Variants in CDYL2 observed in about 807,000 individuals in gnomAD.
The protein encoded by CDYL2 is chromodomain Y like 2, also known as chromodomain Y-like protein 2.
CDYL2 carries 23 observed loss-of-function variants against 49.4 expected under a neutral mutation model. The ratio of observed to expected loss-of-function variants is 0.47; its 90% CI spans 0.34 to 0.66. The LOEUF is 0.66. Ranked by LOEUF, CDYL2 falls within the 30% of genes least tolerant of loss-of-function variation. CDYL2 has a pLI of 0.01. For synonymous variants in CDYL2, 360 were observed against 268.8 expected (o/e 1.34, Z -3.32); for missense variants, 678 against 656.4 (o/e 1.03, Z -0.36).
At chr16:80,717,470 G>A (rs1904849971) in intron 1 of CDYL2, among the ~76,000 whole-genome samples, 1 of 152,232 alleles carries the variant, frequency 6.6e-6, no homozygotes. Context: ...GAAGGTGGAT[G>A]GAGACAGAGG....
chr16:80,610,083 G>A (rs1187142447), intron 5 of CDYL2, among the ~76,000 whole-genome samples: 1 of 152,116 alleles, frequency 6.6e-6, no homozygotes, highest in East Asian at 1.9e-4. Context: ...TGCTATTTTT[G>A]TATGGTTGGT....
chr16:80,724,012 G>A (rs1053668931), intron 1 of CDYL2, among the ~76,000 whole-genome samples: 1 of 149,464 alleles, frequency 6.7e-6, no homozygotes, highest in East Asian at 2.0e-4. Flanking sequence ...GAAGAAGCAA[G>A]AAGAGAAAGA....
intron 1 of CDYL2, among the ~76,000 whole-genome samples, chr16:80,793,949 A>G (rs550279253): frequency 6.6e-6 from 1 of 152,326 alleles, no homozygotes; most frequent in South Asian, 2.1e-4. Context: ...TTGTAAATAA[A>G]AACACAATCT....
intron 1 of CDYL2, among the ~76,000 whole-genome samples, chr16:80,760,613 A>G (rs372778575): frequency 6.6e-6 from 1 of 152,142 alleles, no homozygotes; most frequent in African/African-American, 2.4e-5. Flanking sequence ...ATATGCACCT[A>G]CTATGTCGCC....
intron 1 of CDYL2, among the ~76,000 whole-genome samples, chr16:80,783,790 A>C (rs1907346845): frequency 6.6e-6 from 1 of 152,224 alleles, no homozygotes; most frequent in Non-Finnish European, 1.5e-5. Flanking sequence ...GAGTTTTAAA[A>C]AGCCAAATAG....
intron 1 of CDYL2, among the ~76,000 whole-genome samples, chr16:80,734,392 T>A (rs936647434): frequency 2.0e-5 from 3 of 152,122 alleles, no homozygotes; most frequent in Non-Finnish European, 4.4e-5. Flanking sequence ...GTTGAGATAG[T>A]TAAGACAGAT....
At chr16:80,707,907 C>T (rs1904460213) in intron 1 of CDYL2, among the ~76,000 whole-genome samples, 1 of 152,146 alleles carries the variant, frequency 6.6e-6, no homozygotes, top group Non-Finnish European at 1.5e-5. Flanking sequence ...GCCTCTTAAA[C>T]CACAAGTTTT....
chr16:80,795,887 A>C (rs1404864150), intron 1 of CDYL2, among the ~76,000 whole-genome samples: 1 of 152,220 alleles, frequency 6.6e-6, no homozygotes, highest in African/African-American at 2.4e-5. Context: ...GAAGTAATAG[A>C]CTGAAACAGA....
intron 1 of CDYL2, among the ~76,000 whole-genome samples, chr16:80,687,920 A>C (rs1263496712): frequency 6.6e-6 from 1 of 152,184 alleles, no homozygotes; most frequent in Non-Finnish European, 1.5e-5. Context: ...GTGGTGTCTA[A>C]AGACAGAATG....
rs1225244113 is a variant in CDYL2, at chr16:80,765,905, A to C, written c.24+38245T>G. ...AAAAAAAAAAAAAAAAAAGGAATGA[A>C]GTACTGATACAAGCGACAACATGGA... is the stretch of plus-strand genomic sequence containing the variant. On this transcript the variant is annotated intron_variant, in intron 1 of 6. Coordinates refer to ENST00000570137, the MANE Select transcript of CDYL2 (RefSeq NM_152342.4). Among the ~76,000 whole-genome samples the C allele has an allele frequency of 4.0e-5, 6 of 148,376 alleles. No homozygotes were observed. In the Admixed American group the frequency reaches 4.1e-4, roughly 10 times the overall value.
intron 1 of CDYL2, among the ~76,000 whole-genome samples, chr16:80,746,899 T>C (rs908757470): frequency 6.6e-6 from 1 of 152,074 alleles, no homozygotes; most frequent in Admixed American, 6.5e-5. Flanking sequence ...CAGCTTCTCT[T>C]CTCTTTAAAA....
chr16:80,804,294 G>C lies in CDYL2; in HGVS notation c.-121C>G. On this transcript the variant is annotated 5_prime_UTR_variant, in exon 1 of 7. Transcript: ENST00000570137. ...GCGCGTGTGTGTGCGAGTGTGTGTG[G>C]TGTGTTGAGTAAACTGTGTTTTTGC... 1 of 851,404 alleles carries C rather than the reference G, an allele frequency of 1.2e-6. No individual in the cohort carries two copies. The highest frequency in any genetic ancestry group is 1.6e-6 in the Non-Finnish European group (1 of 633,734). The allele number at this position is 851,404 out of a possible 1,614,324, so 52.7% of individuals were successfully genotyped here.
At chr16:80,690,837 T>C (rs951551197) in intron 1 of CDYL2, among the ~76,000 whole-genome samples, 2 of 152,152 alleles carry the variant, frequency 1.3e-5, no homozygotes, top group African/African-American at 4.8e-5. Context: ...CAATTCTTCA[T>C]TGGTCCAAAT....
At chr16:80,735,733 C>T (rs1040149167) in intron 1 of CDYL2, among the ~76,000 whole-genome samples, 7 of 152,208 alleles carry the variant, frequency 4.6e-5, no homozygotes, top group Non-Finnish European at 8.8e-5. Context: ...ACTGGACTCT[C>T]GACAGAGTAC....
chr16:80,726,569 T>C (rs1905169264), intron 1 of CDYL2, among the ~76,000 whole-genome samples: 1 of 152,238 alleles, frequency 6.6e-6, no homozygotes, highest in Non-Finnish European at 1.5e-5. Flanking sequence ...CTTTCCTCAT[T>C]AAACTGCAAC....
intron 2 of CDYL2, 141 bp from the exon 3 acceptor site, chr16:80,633,377 T>G: frequency 5.1e-6 from 4 of 779,496 alleles, no homozygotes; most frequent in Non-Finnish European, 8.2e-6. Flanking sequence ...CCACCCTCTG[T>G]TCTAGGAAGA....
chr16:80,634,778 A>G (rs1907741636), intron 2 of CDYL2, among the ~76,000 whole-genome samples: 1 of 152,210 alleles, frequency 6.6e-6, no homozygotes, highest in Admixed American at 6.5e-5. Context: ...GAAATACATC[A>G]TCTCATCTGA....
intron 4 of CDYL2, among the ~76,000 whole-genome samples, chr16:80,615,775 C>A (rs1392752525): frequency 6.6e-6 from 1 of 152,160 alleles, no homozygotes; most frequent in Non-Finnish European, 1.5e-5. Context: ...CCCTCCGCCC[C>A]AGCCCCTCCT....
intron 1 of CDYL2, among the ~76,000 whole-genome samples, chr16:80,752,580 C>T (rs538208489): frequency 6.6e-6 from 1 of 152,140 alleles, no homozygotes; most frequent in African/African-American, 2.4e-5. Context: ...ACAGCTGGGT[C>T]CTCAATAAAA....
Sources: gnomAD v4.1 joint callset for allele counts (sites outside exome capture counted in the v4.1 genomes callset) on GRCh38, gnomAD v4.1.1 for gene constraint, MANE v1.5 for transcripts, NCBI Gene and HGNC (gene_info 2026-07-23, HGNC 2026-07-21) for gene names.